Variants in IER5L observed in about 807,000 individuals in gnomAD.
IER5L encodes the protein immediate early response gene 5-like protein.
A neutral mutation model predicts 28.3 loss-of-function variants in IER5L; 6 were observed. The ratio of observed to expected loss-of-function variants is 0.21; its 90% CI spans 0.12 to 0.42. The LOEUF (loss-of-function observed/expected upper bound fraction) is 0.42, where lower values mean the gene tolerates loss of function less well. IER5L is among the 10% of genes least tolerant of loss of function. IER5L has a pLI of 1.00. For synonymous variants in IER5L, 351 were observed against 282.5 expected (o/e 1.24, Z -2.43); for missense variants, 607 against 575.2 (o/e 1.06, Z -0.56).
In IER5L at chr9:129,176,678, T is replaced by A. The variant is rs896633432; in HGVS notation, c.*160A>T. 2.4e-5 allele frequency: 23 copies of A among 964,982 alleles called. No homozygotes were observed. Among genetic ancestry groups the A allele is most frequent in the Admixed American group, 1.6e-4 (4 of 24,882 alleles). The allele number at this position is 964,982 out of a possible 1,614,324, so 59.8% of individuals were successfully genotyped here. ...CAAGATTTTAGATTTCTTTTTTTTT[T>A]ATTTTACAATTTATAAAACATCAGC... On this transcript the variant is annotated 3_prime_UTR_variant, in exon 1 of 1. Transcript: ENST00000372491.
rs750017430 is a variant in IER5L, at chr9:129,176,813, CGGGTCCCTGTGCCCTCGG to C, written c.*7_*24del. The C allele has an allele frequency of 2.0e-6, 3 of 1,526,734 alleles. No homozygotes were observed. The highest frequency in any genetic ancestry group is 8.8e-7 in the Non-Finnish European group (1 of 1,142,450). 94.6% of individuals were successfully genotyped at this position (1,526,734 alleles called of 1,614,324 possible). A position where few individuals can be genotyped will look rare whatever the true frequency, so the allele number is the denominator to read the frequency against. Reference sequence around the variant, plus strand: ...GTCTGGCCCCAGCCCCGCGGGGCCCCGGGTCCCTGTGCCCTCGGGGGTCCCTAGAAGGCGACAATGGCT... The same window carrying C: ...GTCTGGCCCCAGCCCCGCGGGGCCCCGGGTCCCTAGAAGGCGACAATGGCT... On this transcript the variant is annotated 3_prime_UTR_variant, in exon 1 of 1. Transcript: ENST00000372491.
In IER5L at chr9:129,177,713, G is replaced by T; in HGVS notation, c.340C>A (p.Leu114Ile). Residue 114 changes from leucine (L) to isoleucine (I), a missense_variant, in exon 1 of 1, where the codon CTC (leucine) becomes ATC (isoleucine). Coordinates refer to ENST00000372491, the MANE Select transcript of IER5L (RefSeq NM_203434.3). Reference protein sequence around the residue: ...EPAARHQLHQLHQLHQLHLQQ... With the variant: ...EPAARHQLHQIHQLHQLHLQQ... The stretch of plus-strand genomic sequence containing the variant: ...AGGTGCAGCTGGTGGAGCTGGTGGA[G>T]CTGGTGCAGCTGGTGCCGGGCGGCC... The T allele has an allele frequency of 7.0e-7, 1 of 1,436,482 alleles. No individual in the cohort carries two copies. The highest frequency in any genetic ancestry group is 1.4e-5 in the South Asian group (1 of 72,872). 89.0% of individuals were successfully genotyped at this position (1,436,482 alleles called of 1,614,324 possible).
rs1206461979 is a variant in IER5L, at chr9:129,177,444, G to T, written c.609C>A (p.Arg203=). The T allele has an allele frequency of 1.7e-6, 2 of 1,174,408 alleles. No homozygotes were observed. 72.7% of individuals were successfully genotyped at this position (1,174,408 alleles called of 1,614,324 possible). ...GGGGCGCGGAGCAGGCGGCCGGGGC[G>T]CGAGGGTCCCGCGGGCAGAGCGCAG... ...APAALCPRDP[R]APAACSAPPG... is the part of the protein sequence containing the mutation. The change falls in exon 1 of 1, where the codon CGC becomes CGA. Residue 203 remains arginine, a synonymous_variant. Transcript: ENST00000372491.
Position 129,176,796 on chromosome 9 carries a change from CCAGCCCCG to C in IER5L, c.*34_*41del. 1 of 1,475,692 alleles carries C rather than the reference CCAGCCCCG, an allele frequency of 6.8e-7. No individual in the cohort carries two copies. 91.4% of individuals were successfully genotyped at this position (1,475,692 alleles called of 1,614,324 possible). A position where few individuals can be genotyped will look rare whatever the true frequency, so the allele number is the denominator to read the frequency against. ...CCCTTTGCCGAGTCTTTGTCTGGCCCCAGCCCCGCGGGGCCCCGGGTCCCTGTGCCCTC... is the reference window on the plus strand; with the variant it reads ...CCCTTTGCCGAGTCTTTGTCTGGCCCCGGGGCCCCGGGTCCCTGTGCCCTC... On this transcript the variant is annotated 3_prime_UTR_variant, in exon 1 of 1. Coordinates refer to ENST00000372491, the MANE Select transcript of IER5L (RefSeq NM_203434.3).
At position 129,178,255 on chromosome 9, in the gene IER5L, A is replaced by T. The variant is rs1414751925; in HGVS notation, c.-203T>A. 1 of 436,018 alleles carries T rather than the reference A, an allele frequency of 2.3e-6. No individual in the cohort carries two copies. 27.0% of individuals were successfully genotyped at this position (436,018 alleles called of 1,614,324 possible). ...CGCGCTCCCCAGACGGCGCCAAAGC[A>T]ATGAGTCTCGGCCGGCCCCGGCCCC... On this transcript the variant is annotated 5_prime_UTR_variant, in exon 1 of 1. Coordinates refer to ENST00000372491, the MANE Select transcript of IER5L (RefSeq NM_203434.3).
chr9:129,177,425 C>A lies in IER5L; in HGVS notation c.628G>T (p.Ala210Ser). 1.6e-6 allele frequency: 2 copies of A among 1,212,726 alleles called. No individual in the cohort carries two copies. The highest frequency in any genetic ancestry group is 6.5e-5 in the East Asian group (2 of 30,536). 75.1% of individuals were successfully genotyped at this position (1,212,726 alleles called of 1,614,324 possible). A position where few individuals can be genotyped will look rare whatever the true frequency, so the allele number is the denominator to read the frequency against. The change falls in exon 1 of 1, where the codon GCG (alanine) becomes TCG (serine). Residue 210 changes from alanine (A) to serine (S), a missense_variant. Coordinates refer to ENST00000372491, the MANE Select transcript of IER5L (RefSeq NM_203434.3). ...GCCGGAGGGGCGGCCCCTGGGGGCG[C>A]GGAGCAGGCGGCCGGGGCGCGAGGG... ...RDPRAPAACS[A>S]PPGAAPPAAA...
In IER5L at chr9:129,177,278, G is replaced by A. The variant is rs1294534519; in HGVS notation, c.775C>T (p.Leu259=). The A allele has an allele frequency of 2.0e-6, 3 of 1,465,700 alleles. No homozygotes were observed. Among genetic ancestry groups the A allele is most frequent in the Non-Finnish European group, 2.7e-6 (3 of 1,118,620 alleles). The allele number at this position is 1,465,700 out of a possible 1,614,324, so 90.8% of individuals were successfully genotyped here. A position where few individuals can be genotyped will look rare whatever the true frequency, so the allele number is the denominator to read the frequency against. The part of the protein sequence containing the change: ...HCSSQTTVLD[L]DTHVVTTVEN... Reference sequence around the variant, plus strand: ...ACCGTGGTCACCACGTGAGTGTCTAGGTCCAGCACGGTGGTCTGGCTGCTG... The same window carrying A: ...ACCGTGGTCACCACGTGAGTGTCTAAGTCCAGCACGGTGGTCTGGCTGCTG... The change falls in exon 1 of 1, where the codon CTA becomes TTA. Residue 259 remains leucine (L), a synonymous_variant. Coordinates refer to ENST00000372491, the MANE Select transcript of IER5L (RefSeq NM_203434.3).
rs374100558 is a variant in IER5L, at chr9:129,177,236, G to A, written c.817C>T (p.His273Tyr). 8.5e-5 allele frequency: 124 copies of A among 1,467,380 alleles called. No homozygotes were observed. In the African/African-American group the frequency reaches 1.7e-3, roughly 20 times the overall value. The allele number at this position is 1,467,380 out of a possible 1,614,324, so 90.9% of individuals were successfully genotyped here. A position where few individuals can be genotyped will look rare whatever the true frequency, so the allele number is the denominator to read the frequency against. Residue 273 changes from histidine to tyrosine, a missense_variant, in exon 1 of 1, where the codon CAC (histidine) becomes TAC (tyrosine). Transcript: ENST00000372491. ...TGGGCGGAGGCGCAGCAGTCCTGGT[G>A]CAAGTAGCCGTTCTCCACCGTGGTC... ...VVTTVENGYLHQDCCASAHCP... is the reference protein window; with the variant it reads ...VVTTVENGYLYQDCCASAHCP...
chr9:129,176,702 G>A lies in IER5L; in HGVS notation c.*136C>T, dbSNP rs1829408386. The A allele has an allele frequency of 2.8e-6, 3 of 1,090,012 alleles. No homozygotes were observed. The highest frequency in any genetic ancestry group is 2.4e-6 in the Non-Finnish European group (2 of 827,910). 67.5% of individuals were successfully genotyped at this position (1,090,012 alleles called of 1,614,324 possible). On this transcript the variant is annotated 3_prime_UTR_variant, in exon 1 of 1. Transcript: ENST00000372491. ...TTATTTTACAATTTATAAAACATCAGCCGCCTGCCCCCGCTCGCCCCCAGC... is the reference window on the plus strand; with the variant it reads ...TTATTTTACAATTTATAAAACATCAACCGCCTGCCCCCGCTCGCCCCCAGC...
rs1829428708 is a variant in IER5L, at chr9:129,177,411, G to T, written c.642C>A (p.Ala214=). The T allele has an allele frequency of 8.1e-7, 1 of 1,227,584 alleles. No individual in the cohort carries two copies. The highest frequency in any genetic ancestry group is 4.3e-5 in the Admixed American group (1 of 23,444). The allele number at this position is 1,227,584 out of a possible 1,614,324, so 76.0% of individuals were successfully genotyped here. ...APAACSAPPG[A]APPAAAASPP... is the part of the protein sequence containing the mutation. Reference sequence around the variant, plus strand: ...GAGAAGCGGCGGCGGCCGGAGGGGCGGCCCCTGGGGGCGCGGAGCAGGCGG... The same window carrying T: ...GAGAAGCGGCGGCGGCCGGAGGGGCTGCCCCTGGGGGCGCGGAGCAGGCGG... Residue 214 remains alanine, a synonymous_variant, in exon 1 of 1, where the codon GCC becomes GCA. Coordinates refer to ENST00000372491, the MANE Select transcript of IER5L (RefSeq NM_203434.3).
chr9:129,176,735 CG>C lies in IER5L; in HGVS notation c.*102del. The C allele has an allele frequency of 2.2e-6, 3 of 1,378,292 alleles. No homozygotes were observed. In the South Asian group the frequency reaches 5.0e-5, roughly 23 times the overall value. 85.4% of individuals were successfully genotyped at this position (1,378,292 alleles called of 1,614,324 possible). A position where few individuals can be genotyped will look rare whatever the true frequency, so the allele number is the denominator to read the frequency against. ...CCCCCGCTCGCCCCCAGCTCAGCCC[CG>C]AGTGGCCCGGCGCCCGCTCGTTCCC... On this transcript the variant is annotated 3_prime_UTR_variant, in exon 1 of 1. Transcript: ENST00000372491.
Position 129,177,336 on chromosome 9 carries a change from T to C in IER5L, c.717A>G (p.Ala239=). 1 of 1,163,892 alleles carries C rather than the reference T, an allele frequency of 8.6e-7. No individual in the cohort carries two copies. Among genetic ancestry groups the C allele is most frequent in the Non-Finnish European group, 1.1e-6 (1 of 931,990 alleles). 72.1% of individuals were successfully genotyped at this position (1,163,892 alleles called of 1,614,324 possible). ...AGCCGAAGTCCGAAGGGGTAGGGTA[T>C]GCGCCCCGGTAGAAGCCGGGGGAGG... ...PASSPGFYRG[A]YPTPSDFGLH... Residue 239 remains alanine, a synonymous_variant, in exon 1 of 1, where the codon GCA becomes GCG. Transcript: ENST00000372491.
At position 129,177,237 on chromosome 9, in the gene IER5L, C is replaced by T. The variant is rs1829423194; in HGVS notation, c.816G>A (p.Leu272=). The T allele has an allele frequency of 6.8e-7, 1 of 1,466,768 alleles. No homozygotes were observed. The highest frequency in any genetic ancestry group is 8.9e-7 in the Non-Finnish European group (1 of 1,120,120). The allele number at this position is 1,466,768 out of a possible 1,614,324, so 90.9% of individuals were successfully genotyped here. ...GGGCGGAGGCGCAGCAGTCCTGGTG[C>T]AAGTAGCCGTTCTCCACCGTGGTCA... ...HVVTTVENGY[L]HQDCCASAHC... is the part of the protein sequence containing the mutation. Residue 272 remains leucine (L), a synonymous_variant, in exon 1 of 1, where the codon TTG becomes TTA. Transcript: ENST00000372491.
rs1202834387 is a variant in IER5L at position 129,176,090 on chromosome 9, A to T, written c.*748T>A. The T allele has an allele frequency of 3.7e-5, 5 of 136,832 alleles. No homozygotes were observed. The South Asian group carries it at 1.1e-3, about 29-fold the overall frequency. 8.5% of individuals were successfully genotyped at this position (136,832 alleles called of 1,614,324 possible). A position where few individuals can be genotyped will look rare whatever the true frequency, so the allele number is the denominator to read the frequency against. On this transcript the variant is annotated 3_prime_UTR_variant, in exon 1 of 1. Transcript: ENST00000372491. ...CCCCACCCCTTACCCAGTGTCCGAG[A>T]GTGTCGGGGTGTCAGGCGCCACCCC...
chr9:129,177,162 G>A lies in IER5L; in HGVS notation c.891C>T (p.Ala297=), dbSNP rs1829416974. Residue 297 remains alanine (A), a synonymous_variant, in exon 1 of 1, where the codon GCC becomes GCT. Transcript: ENST00000372491. ...QGAPGPGLAS[A]AGCKRKYYPG... is the part of the protein sequence containing the mutation. The stretch of plus-strand genomic sequence containing the variant: ...GGTAATACTTGCGCTTGCAGCCGGC[G>A]GCGGACGCCAGGCCCGGTCCCGGAG... 6.8e-7 allele frequency: 1 copy of A among 1,475,298 alleles called. No individual in the cohort carries two copies. Among genetic ancestry groups the A allele is most frequent in the African/African-American group, 1.5e-5 (1 of 67,644 alleles). 91.4% of individuals were successfully genotyped at this position (1,475,298 alleles called of 1,614,324 possible). A position where few individuals can be genotyped will look rare whatever the true frequency, so the allele number is the denominator to read the frequency against.
rs401003 is a variant in IER5L at position 129,177,864 on chromosome 9, T to G, written c.189A>C (p.Gln63His). Residue 63 changes from glutamine to histidine, a missense_variant, in exon 1 of 1, where the codon CAA (glutamine) becomes CAC (histidine). Transcript: ENST00000372491. Reference sequence around the variant, plus strand: ...GCTGGTGGTGGGGCGGCTGCTGCTGTTGCTGCTGCTGCTGGCGCCGGTAGA... The same window carrying G: ...GCTGGTGGTGGGGCGGCTGCTGCTGGTGCTGCTGCTGCTGGCGCCGGTAGA... ...AELYRRQQQQ[Q>H]QQQPPHHQHQ... 2 of 1,542,000 alleles carry G rather than the reference T, an allele frequency of 1.3e-6. No homozygotes were observed. Among genetic ancestry groups the G allele is most frequent in the South Asian group, 2.4e-5 (2 of 83,306 alleles).
Position 129,177,891 on chromosome 9 carries a change from C to G in IER5L, c.162G>C (p.Glu54Asp), listed in dbSNP as rs1234380669. ...GCTGCTGCTGCTGGCGCCGGTAGAG[C>G]TCGGCGTAGCGCTCGCTCAGGTAGA... ...RQLYLSERYAELYRRQQQQQQ... is the reference protein window; with the variant it reads ...RQLYLSERYADLYRRQQQQQQ... The change falls in exon 1 of 1, where the codon GAG becomes GAC. Residue 54 changes from glutamate to aspartate, a missense_variant. Glu to Asp is a conservative substitution (Grantham distance 45). Coordinates refer to ENST00000372491, the MANE Select transcript of IER5L (RefSeq NM_203434.3). 4 of 1,549,144 alleles carry G rather than the reference C, an allele frequency of 2.6e-6. No homozygotes were observed. Among genetic ancestry groups the G allele is most frequent in the African/African-American group, 2.8e-5 (2 of 72,416 alleles).
rs1469134426 is a variant in IER5L at position 129,176,045 on chromosome 9, T to C, written c.*793A>G. On this transcript the variant is annotated 3_prime_UTR_variant, in exon 1 of 1. Transcript: ENST00000372491. ...CCGCAGTGCTAGGCATGATGGGAAA[T>C]GTAGTCCGCCGTGCCCGCCCCCCAC... The C allele has an allele frequency of 7.0e-6, 1 of 143,710 alleles. No individual in the cohort carries two copies. The highest frequency in any genetic ancestry group is 1.5e-5 in the Non-Finnish European group (1 of 66,370). 8.9% of individuals were successfully genotyped at this position (143,710 alleles called of 1,614,324 possible). A position where few individuals can be genotyped will look rare whatever the true frequency, so the allele number is the denominator to read the frequency against.
In IER5L at chr9:129,176,763, C is replaced by T. The variant is rs1483262085; in HGVS notation, c.*75G>A. The T allele has an allele frequency of 1.4e-6, 2 of 1,402,584 alleles. No individual in the cohort carries two copies. The highest frequency in any genetic ancestry group is 9.3e-7 in the Non-Finnish European group (1 of 1,081,000). 86.9% of individuals were successfully genotyped at this position (1,402,584 alleles called of 1,614,324 possible). ...GTGGCCCGGCGCCCGCTCGTTCCCT[C>T]CTCTCGCCCCTTTGCCGAGTCTTTG... On this transcript the variant is annotated 3_prime_UTR_variant, in exon 1 of 1. Transcript: ENST00000372491.
Sources: gnomAD v4.1 joint callset for allele counts on GRCh38, gnomAD v4.1.1 for gene constraint, MANE v1.5 for transcripts, NCBI Gene and HGNC (gene_info 2026-07-23, HGNC 2026-07-21) for gene names.